Variants in SPA17 observed in about 807,000 individuals in gnomAD.
The protein encoded by SPA17 is sperm autoantigenic protein 17, also known as sperm surface protein Sp17.
Under a neutral mutation model 13.8 loss-of-function variants are expected in SPA17, and 7 were observed. The ratio of observed to expected loss-of-function variants is 0.51; its 90% CI spans 0.29 to 0.95. The LOEUF (loss-of-function observed/expected upper bound fraction) is 0.95, where lower values mean the gene tolerates loss of function less well. SPA17 is among the 40% of genes least tolerant of loss of function. SPA17 has a pLI of 0.08. For synonymous variants in SPA17, 61 were observed against 59.0 expected (o/e 1.03, Z -0.16); for missense variants, 170 against 179.3 (o/e 0.95, Z 0.30).
rs1943666331 is a variant in SPA17 at position 124,695,803 on chromosome 11, C to T, written c.*1357C>T. 1 of 152,254 alleles carries T rather than the reference C, an allele frequency of 6.6e-6. No individual in the cohort carries two copies. The highest frequency in any genetic ancestry group is 6.5e-5 in the Admixed American group (1 of 15,286). The allele number at this position is 152,254 out of a possible 1,614,324, so 9.4% of individuals were successfully genotyped here. ...AAAGCTTAAAAACAAGCCAGGATGG[C>T]TCAGTCCTGAGGAGATTCTAAAACC... On this transcript the variant is annotated 3_prime_UTR_variant, in exon 5 of 5. Transcript: ENST00000227135.
intron 3 of SPA17, among the ~76,000 whole-genome samples, chr11:124,688,649 C>T (rs1186711154): frequency 6.6e-6 from 1 of 152,146 alleles, no homozygotes; most frequent in East Asian, 1.9e-4. Flanking sequence ...TTTAAAATGA[C>T]CATACTTCTC....
At position 124,684,001 on chromosome 11, in the gene SPA17, A is replaced by G. The variant is rs534262510; in HGVS notation, c.225+2542A>G. ...AATCTCATCTTGAATTGTAGTTCCC[A>G]TAATCCCCACATGTTGTGGGAGGGA... On this transcript the variant is annotated intron_variant, in intron 3 of 4. Transcript: ENST00000227135. Among the ~76,000 whole-genome samples the G allele has an allele frequency of 3.9e-5, 6 of 152,302 alleles. No homozygotes were observed. In the East Asian group the frequency reaches 1.2e-3, roughly 29 times the overall value.
At chr11:124,685,976 A>G (rs1943574459) in intron 3 of SPA17, among the ~76,000 whole-genome samples, 1 of 152,052 alleles carries the variant, frequency 6.6e-6, no homozygotes, top group Non-Finnish European at 1.5e-5. Context: ...TTGAACTTGG[A>G]CTTTTGGGTT....
intron 1 of SPA17, chr11:124,674,486 C>T (rs1447330070): frequency 6.6e-6 from 1 of 152,376 alleles, no homozygotes; most frequent in Non-Finnish European, 1.5e-5. Flanking sequence ...CTCACATTAA[C>T]AGGCCAGGTC....
chr11:124,692,841 A>C (rs545771898), intron 4 of SPA17, among the ~76,000 whole-genome samples: 4 of 152,298 alleles, frequency 2.6e-5, no homozygotes, highest in South Asian at 4.1e-4. Context: ...TCGAAGTTCA[A>C]ACTTCTGAGT....
chr11:124,676,474 A>G (rs1285223761), intron 2 of SPA17, among the ~76,000 whole-genome samples: 2 of 152,236 alleles, frequency 1.3e-5, no homozygotes, highest in Admixed American at 6.5e-5. Flanking sequence ...TAGTGGAAGA[A>G]AACCTAGCAC....
In SPA17 at chr11:124,694,336, G is replaced by A. The variant is rs1180195473; in HGVS notation, c.346G>A (p.Val116Ile). 3 of 1,613,996 alleles carry A rather than the reference G, an allele frequency of 1.9e-6. No homozygotes were observed. The highest frequency in any genetic ancestry group is 2.2e-5 in the South Asian group (2 of 91,054). Residue 116 changes from valine to isoleucine, a missense_variant, in exon 5 of 5, where the codon GTT (valine) becomes ATT (isoleucine). Coordinates refer to ENST00000227135, the MANE Select transcript of SPA17 (RefSeq NM_017425.4). Reference protein sequence around the residue: ...SSEEDKEKEEVAAVKIQAAFR... With the variant: ...SSEEDKEKEEIAAVKIQAAFR... ...TGAGGAAGATAAGGAAAAAGAAGAG[G>A]TTGCTGCTGTCAAAATCCAAGCTGC...
intron 3 of SPA17, among the ~76,000 whole-genome samples, chr11:124,683,548 A>C (rs750024687): frequency 1.3e-5 from 2 of 152,010 alleles, no homozygotes; most frequent in African/African-American, 4.8e-5. Context: ...AAAAAAAAAA[A>C]AAAACATGAT....
In SPA17 at chr11:124,675,091, G is replaced by A. The variant is rs1051817264; in HGVS notation, c.-27-147G>A. On this transcript the variant is annotated intron_variant, in intron 1 of 4. Transcript: ENST00000227135. ...ACAATGGAGATTTCAAAACTCTTTG[G>A]AAGAAATGGATGGGCTTGGGTTGTG... 9 of 705,546 alleles carry A rather than the reference G, an allele frequency of 1.3e-5. No homozygotes were observed. The Admixed American group carries it at 2.0e-4, about 16-fold the overall frequency. The allele number at this position is 705,546 out of a possible 1,614,324, so 43.7% of individuals were successfully genotyped here.
At chr11:124,674,248 AAG>A (rs1943426904) in intron 1 of SPA17, 1 of 152,476 alleles carries the variant, frequency 6.6e-6, no homozygotes, top group South Asian at 2.1e-4. Flanking sequence ...GAAAAAGCAA[AAG>A]AGAGGAGTCA....
At chr11:124,679,135 C>CA (rs1239970697) in intron 2 of SPA17, among the ~76,000 whole-genome samples, 942 of 66,460 alleles carry the variant, frequency 0.014, 4 homozygotes, top group Admixed American at 0.016. Flanking sequence ...GACTCTGTCT[C>CA]AAAAAAAAAA....
chr11:124,679,026 A>G (rs1311258950), intron 2 of SPA17, among the ~76,000 whole-genome samples: 1 of 151,936 alleles, frequency 6.6e-6, no homozygotes, highest in Non-Finnish European at 1.5e-5. Flanking sequence ...TTGTTAAGCT[A>G]CTCGGGAGGC....
At chr11:124,681,855 T>C (rs992619501) in intron 3 of SPA17, among the ~76,000 whole-genome samples, 1 of 152,138 alleles carries the variant, frequency 6.6e-6, no homozygotes, top group African/African-American at 2.4e-5. Context: ...TGCTAAGCAA[T>C]AGCAGGTACT....
chr11:124,681,457 G>A lies in SPA17; in HGVS notation c.223G>A (p.Glu75Lys), dbSNP rs187798202. The part of the protein sequence containing the change: ...EDRFYNNHAF[E>K]EQEPPEKSDP... ...CCGCTTCTATAACAATCATGCATTC[G>A]AGGTATGGTCCTTTGAAGCTGTTGG... Residue 75 changes from glutamate to lysine, a missense_variant and splice_region_variant, in exon 3 of 5, where the codon GAG (glutamate) becomes AAG (lysine). Transcript: ENST00000227135. 57 of 1,579,868 alleles carry A rather than the reference G, an allele frequency of 3.6e-5. 1 individual carries two copies. Among genetic ancestry groups the A allele is most frequent in the South Asian group, 1.2e-4 (10 of 86,004 alleles).
chr11:124,675,718 GA>G (rs1943454300), intron 2 of SPA17: 22 of 240,706 alleles, frequency 9.1e-5, no homozygotes, highest in East Asian at 2.2e-4. Flanking sequence ...ATCAGTGGGG[GA>G]AAAAAAGATC....
At position 124,694,452 on chromosome 11, in the gene SPA17, C is replaced by T. The variant is rs1409956676; in HGVS notation, c.*6C>T. On this transcript the variant is annotated 3_prime_UTR_variant, in exon 5 of 5. Coordinates refer to ENST00000227135, the MANE Select transcript of SPA17 (RefSeq NM_017425.4). The stretch of plus-strand genomic sequence containing the variant: ...AAAAAGAGGAAAACAAGTGAGGACA[C>T]TGGTTTTACCTCCAGGAAACATGAA... The T allele has an allele frequency of 6.3e-7, 1 of 1,592,432 alleles. No individual in the cohort carries two copies. Among genetic ancestry groups the T allele is most frequent in the Non-Finnish European group, 8.5e-7 (1 of 1,170,770 alleles).
chr11:124,681,752 CTTAAGT>C (rs1173724504), intron 3 of SPA17, among the ~76,000 whole-genome samples: 3 of 152,036 alleles, frequency 2.0e-5, no homozygotes, highest in Admixed American at 6.5e-5. Flanking sequence ...AGATATTTCA[CTTAAGT>C]TTAATGATGA....
chr11:124,682,393 T>C (rs1189899259), intron 3 of SPA17, among the ~76,000 whole-genome samples: 1 of 152,126 alleles, frequency 6.6e-6, no homozygotes, highest in Admixed American at 6.5e-5. Flanking sequence ...ATAACCAGAA[T>C]GAAATTCTTA....
rs1001433754 is a variant in SPA17 at position 124,694,523 on chromosome 11, T to C, written c.*77T>C. On this transcript the variant is annotated 3_prime_UTR_variant, in exon 5 of 5. Coordinates refer to ENST00000227135, the MANE Select transcript of SPA17 (RefSeq NM_017425.4). Reference sequence around the variant, plus strand: ...CCTTCTTATTAATGTCATTTCTTCCTGAGGAAGGAAGATTTGATGTTGTGA... The same window carrying C: ...CCTTCTTATTAATGTCATTTCTTCCCGAGGAAGGAAGATTTGATGTTGTGA... 6.6e-6 allele frequency: 10 copies of C among 1,514,162 alleles called. No homozygotes were observed. The highest frequency in any genetic ancestry group is 2.2e-5 in the Admixed American group (1 of 44,458). 93.8% of individuals were successfully genotyped at this position (1,514,162 alleles called of 1,614,324 possible). A position where few individuals can be genotyped will look rare whatever the true frequency, so the allele number is the denominator to read the frequency against.
Sources: gnomAD v4.1 joint callset for allele counts (sites outside exome capture counted in the v4.1 genomes callset) on GRCh38, gnomAD v4.1.1 for gene constraint, MANE v1.5 for transcripts, NCBI Gene and HGNC (gene_info 2026-07-23, HGNC 2026-07-21) for gene names.